The following PARM1 variants were observed in gnomAD, a reference collection of about 807,000 sequenced individuals.
PARM1 encodes prostate androgen-regulated mucin-like protein 1.
PARM1 carries 14 observed loss-of-function variants against 24.6 expected under a neutral mutation model. That is an observed-to-expected ratio of 0.57 (90% CI 0.38 to 0.89). The LOEUF is 0.89. Among genes scored for constraint, PARM1 ranks in the 40% least tolerant of loss-of-function variants. The pLI is 0.00. For synonymous variants in PARM1, 179 were observed against 156.6 expected, an observed-to-expected ratio of 1.14 and a Z score of -1.07; for missense variants, 362 against 380.4, an observed-to-expected ratio of 0.95 and a Z score of 0.40.
chr4:74,955,318 A>G (rs745568768), intron 1 of PARM1, among the ~76,000 whole-genome samples: 3 of 152,128 alleles, frequency 2.0e-5, no homozygotes, highest in Non-Finnish European at 2.9e-5. Context: ...CATCTGTTAA[A>G]TAAGAGGATG....
intron 1 of PARM1, among the ~76,000 whole-genome samples, chr4:74,999,523 G>A (rs1385063181): frequency 6.6e-6 from 1 of 152,146 alleles, no homozygotes; most frequent in Non-Finnish European, 1.5e-5. Context: ...AAGGTTGTAT[G>A]AAATATATTA....
intron 1 of PARM1, among the ~76,000 whole-genome samples, chr4:74,962,791 G>T (rs1297132858): frequency 6.6e-6 from 1 of 152,234 alleles, no homozygotes; most frequent in Non-Finnish European, 1.5e-5. Flanking sequence ...TTTAATGGGT[G>T]TAGAGTTTCA....
chr4:75,043,767 G>T (rs915006459), intron 3 of PARM1, among the ~76,000 whole-genome samples: 1 of 152,186 alleles, frequency 6.6e-6, no homozygotes, highest in African/African-American at 2.4e-5. Context: ...CATTTGGGGA[G>T]AGTGTTGGCC....
At chr4:74,958,080 C>T (rs1200530986) in intron 1 of PARM1, among the ~76,000 whole-genome samples, 3 of 152,092 alleles carry the variant, frequency 2.0e-5, no homozygotes, top group Non-Finnish European at 4.4e-5. Context: ...TTATTTATAC[C>T]TTGCTCCCTG....
intron 1 of PARM1, among the ~76,000 whole-genome samples, chr4:74,975,055 G>T (rs1368833269): frequency 2.0e-5 from 3 of 152,168 alleles, no homozygotes; most frequent in African/African-American, 7.2e-5. Context: ...AGTAATATGG[G>T]CAGCATCAGA....
chr4:74,950,194 G>T (rs575923830), intron 1 of PARM1, among the ~76,000 whole-genome samples: 1 of 152,272 alleles, frequency 6.6e-6, no homozygotes, highest in Admixed American at 6.5e-5. Flanking sequence ...TCCTGAGGCT[G>T]CCATAACAAA....
intron 1 of PARM1, among the ~76,000 whole-genome samples, chr4:75,002,901 G>A (rs117818907): frequency 5.3e-5 from 8 of 152,302 alleles, no homozygotes; most frequent in East Asian, 1.9e-4. Context: ...AGGATGGAGC[G>A]CAGGCTAAGC....
At chr4:74,938,980 G>A (rs931565998) in intron 1 of PARM1, among the ~76,000 whole-genome samples, 6 of 152,100 alleles carry the variant, frequency 3.9e-5, no homozygotes, top group African/African-American at 1.4e-4. Flanking sequence ...TAAAAACAAA[G>A]GTTGTCCAGT....
chr4:74,977,209 A>G (rs1722155321), intron 1 of PARM1, among the ~76,000 whole-genome samples: 1 of 152,196 alleles, frequency 6.6e-6, no homozygotes, highest in Non-Finnish European at 1.5e-5. Context: ...GCTAAGAATC[A>G]TGATAAAACA....
chr4:75,041,738 C>A (rs984862685), intron 3 of PARM1, among the ~76,000 whole-genome samples: 1 of 152,128 alleles, frequency 6.6e-6, no homozygotes, highest in Non-Finnish European at 1.5e-5. Context: ...AACAAGTGGT[C>A]ACCAAGTAGG....
chr4:74,973,897 GAGAA>G (rs990767709), intron 1 of PARM1, among the ~76,000 whole-genome samples: 20 of 152,114 alleles, frequency 1.3e-4, no homozygotes, highest in South Asian at 4.2e-4. Flanking sequence ...GAGAGAGAGA[GAGAA>G]AGAAAGAGAG....
intron 1 of PARM1, among the ~76,000 whole-genome samples, chr4:75,011,396 T>C (rs1722866837): frequency 1.3e-5 from 2 of 152,066 alleles, no homozygotes; most frequent in South Asian, 4.1e-4. Flanking sequence ...GGTGACATCT[T>C]GGTTTTTAAC....
chr4:74,951,120 G>T (rs1294780013), intron 1 of PARM1, among the ~76,000 whole-genome samples: 1 of 152,240 alleles, frequency 6.6e-6, no homozygotes, highest in East Asian at 1.9e-4. Context: ...AACTCAGCCA[G>T]CCTGCGGCTG....
chr4:74,936,747 G>A (rs1578019393), intron 1 of PARM1, among the ~76,000 whole-genome samples: 3 of 151,992 alleles, frequency 2.0e-5, no homozygotes, highest in Admixed American at 6.6e-5. Context: ...GAGCCACCGC[G>A]CCCGGGCACG....
intron 1 of PARM1, among the ~76,000 whole-genome samples, chr4:74,955,649 A>G (rs911996641): frequency 2.0e-5 from 3 of 152,162 alleles, no homozygotes; most frequent in Non-Finnish European, 4.4e-5. Flanking sequence ...TACTGGCTTT[A>G]GTTTTTTGTG....
intron 1 of PARM1, chr4:74,967,753 T>C (rs1721935517): frequency 6.6e-6 from 1 of 152,254 alleles, no homozygotes; most frequent in African/African-American, 2.4e-5. Flanking sequence ...TGCTGTCATT[T>C]AACTTGTGGT....
intron 2 of PARM1, among the ~76,000 whole-genome samples, chr4:75,016,755 G>A (rs1476939067): frequency 1.3e-5 from 2 of 152,070 alleles, no homozygotes; most frequent in African/African-American, 4.8e-5. Flanking sequence ...TCCAGGTCGA[G>A]CACCTCAGGC....
intron 1 of PARM1, among the ~76,000 whole-genome samples, chr4:74,991,343 A>T (rs1033621033): frequency 2.0e-5 from 3 of 152,174 alleles, no homozygotes; most frequent in Admixed American, 1.3e-4. Flanking sequence ...AGAAGAACAA[A>T]GTGAGTCCTA....
At position 75,012,464 on chromosome 4, in the gene PARM1, C is replaced by T. The variant is rs1372766152; in HGVS notation, c.83C>T (p.Ser28Phe). Residue 28 changes from serine (S) to phenylalanine (F), a missense_variant, in exon 2 of 4, where the codon TCT becomes TTT. Coordinates refer to ENST00000307428, the MANE Select transcript of PARM1 (RefSeq NM_015393.4). Reference sequence around the variant, plus strand: ...AGTCTGCCTACATCAGCTCCTTTGTCTGTTTCTCTTCCGACAAACATTGTA... The same window carrying T: ...AGTCTGCCTACATCAGCTCCTTTGTTTGTTTCTCTTCCGACAAACATTGTA... Reference protein sequence around the residue: ...VQSLPTSAPLSVSLPTNIVPP... With the variant: ...VQSLPTSAPLFVSLPTNIVPP... The T allele has an allele frequency of 6.2e-7, 1 of 1,613,926 alleles. No homozygotes were observed.
Sources: gnomAD v4.1 joint callset for allele counts (sites outside exome capture counted in the v4.1 genomes callset) on GRCh38, gnomAD v4.1.1 for gene constraint, MANE v1.5 for transcripts, NCBI Gene and HGNC (gene_info 2026-07-23, HGNC 2026-07-21) for gene names.